The following SORCS2 variants were observed in gnomAD, a reference collection of about 807,000 sequenced individuals.
SORCS2 encodes VPS10 domain-containing receptor SorCS2.
SORCS2 carries 100 observed loss-of-function variants against 141.6 expected under a neutral mutation model. The observed-to-expected ratio is 0.71, with a 90% CI of 0.60 to 0.83. The LOEUF (loss-of-function observed/expected upper bound fraction) is 0.83, where lower values mean the gene tolerates loss of function less well. SORCS2 is among the 40% of genes least tolerant of loss of function. The pLI is 0.00. For missense variants in SORCS2, 1,646 were observed against 1,560.2 expected (o/e 1.05, Z -0.93); for synonymous variants, 789 against 676.9 (o/e 1.17, Z -2.57).
chr4:7,659,686 C>A (rs914338742), intron 5 of SORCS2, among the ~76,000 whole-genome samples: 2 of 152,156 alleles, frequency 1.3e-5, no homozygotes, highest in Non-Finnish European at 2.9e-5. Context: ...AGAGGGCAAG[C>A]GAGGCTTTCC....
At chr4:7,274,320 T>TGTATTA (rs1192258047) in intron 1 of SORCS2, among the ~76,000 whole-genome samples, 4 of 151,836 alleles carry the variant, frequency 2.6e-5, no homozygotes, top group Non-Finnish European at 4.4e-5. Context: ...GTGAGGGAGG[T>TGTATTA]GTATTAGTCC....
chr4:7,470,894 G>A (rs970731885), intron 2 of SORCS2, among the ~76,000 whole-genome samples: 7 of 152,194 alleles, frequency 4.6e-5, no homozygotes, highest in African/African-American at 1.7e-4. Context: ...AACATCTCAC[G>A]CTTGCAGGGA....
Position 7,193,490 on chromosome 4 carries a change from C to CT in SORCS2, c.480+365dup, listed in dbSNP as rs989712839. Among the ~76,000 whole-genome samples, 6 of 152,096 alleles carry CT rather than the reference C, an allele frequency of 3.9e-5. No homozygotes were observed. Among genetic ancestry groups the CT allele is most frequent in the Admixed American group, 2.6e-4 (4 of 15,292 alleles). The stretch of plus-strand genomic sequence containing the variant: ...GTACCCCAGCTCGGCGTTACCTCCC[C>CT]TGCCCCCAGACTCCACCAGCTGAGC... On this transcript the variant is annotated intron_variant, in intron 1 of 26. Transcript: ENST00000507866. This position sits in a 1 kb window ranked among gnomAD's most constrained non-coding sequence, Gnocchi z 4.8.
intron 5 of SORCS2, among the ~76,000 whole-genome samples, chr4:7,658,249 G>A (rs1721932903): frequency 1.3e-5 from 2 of 151,082 alleles, no homozygotes; most frequent in Admixed American, 6.6e-5. Flanking sequence ...CTGAGAGAAT[G>A]AGTGAGTGAG....
At chr4:7,520,556 G>A (rs562302170) in intron 2 of SORCS2, among the ~76,000 whole-genome samples, 1 of 152,296 alleles carries the variant, frequency 6.6e-6, no homozygotes, top group East Asian at 1.9e-4. Flanking sequence ...AGTGGGCTCA[G>A]AATACCAGCA....
intron 3 of SORCS2, among the ~76,000 whole-genome samples, chr4:7,591,764 C>T (rs1716929276): frequency 6.6e-6 from 1 of 152,212 alleles, no homozygotes; most frequent in Non-Finnish European, 1.5e-5. Context: ...AGTGATGAAT[C>T]CCGGCAGAGG....
chr4:7,489,371 T>C (rs1165112891), intron 2 of SORCS2, among the ~76,000 whole-genome samples: 2 of 152,334 alleles, frequency 1.3e-5, no homozygotes, highest in East Asian at 3.9e-4. Context: ...TTGAATTGAT[T>C]TGCCGCTCCC....
chr4:7,250,356 A>T (rs1340757290), intron 1 of SORCS2, among the ~76,000 whole-genome samples: 2 of 152,228 alleles, frequency 1.3e-5, no homozygotes, highest in African/African-American at 4.8e-5. Flanking sequence ...AGGCTGCTCT[A>T]TGCGTCATTT....
chr4:7,444,812 AT>A (rs1277395825), intron 2 of SORCS2, among the ~76,000 whole-genome samples: 2 of 152,232 alleles, frequency 1.3e-5, no homozygotes, highest in East Asian at 3.9e-4. Flanking sequence ...CAGGCTGCAG[AT>A]TCAGCATCTG....
At position 7,201,606 on chromosome 4, in the gene SORCS2, G is replaced by A. The variant is rs759130174; in HGVS notation, c.480+8480G>A. Among the ~76,000 whole-genome samples the A allele has an allele frequency of 1.1e-4, 17 of 152,222 alleles. No individual in the cohort carries two copies. The highest frequency in any genetic ancestry group is 5.2e-4 in the Admixed American group (8 of 15,282). ...CGGGCGAATCAGCTGGGACGCTGCC[G>A]AGAACCCCTGTGCCTTTTCCGGTGC... On this transcript the variant is annotated intron_variant, in intron 1 of 26. Transcript: ENST00000507866. This position sits in a 1 kb window ranked among gnomAD's most constrained non-coding sequence, Gnocchi z 4.4.
At chr4:7,588,603 G>C (rs1166594192) in intron 3 of SORCS2, among the ~76,000 whole-genome samples, 1 of 152,176 alleles carries the variant, frequency 6.6e-6, no homozygotes, top group Non-Finnish European at 1.5e-5. Context: ...AATCACGTGG[G>C]CTGGCCTTAC....
At chr4:7,595,153 G>A (rs185363133) in intron 3 of SORCS2, among the ~76,000 whole-genome samples, 4 of 152,216 alleles carry the variant, frequency 2.6e-5, no homozygotes, top group East Asian at 1.9e-4. Flanking sequence ...GTAGTAATTC[G>A]CCACACAGAA....
chr4:7,466,645 A>G (rs4616749), intron 2 of SORCS2, among the ~76,000 whole-genome samples: 126,213 of 152,160 alleles, frequency 0.83, 52,485 homozygotes, highest in Non-Finnish European at 0.86. Context: ...TGGCCCAGGC[A>G]GTAGCTGGTG....
At chr4:7,291,388 C>T (rs2108878307) in intron 1 of SORCS2, among the ~76,000 whole-genome samples, 1 of 152,252 alleles carries the variant, frequency 6.6e-6, no homozygotes, top group East Asian at 1.9e-4. Flanking sequence ...CCTCTGCCAC[C>T]CACATCAGTG....
intron 1 of SORCS2, among the ~76,000 whole-genome samples, chr4:7,359,884 C>A (rs562617906): frequency 6.6e-6 from 1 of 152,128 alleles, no homozygotes; most frequent in African/African-American, 2.4e-5. Context: ...GGCCCAGGGA[C>A]AAGTGAGGAG....
At chr4:7,666,133 GA>G (rs575367454) in intron 7 of SORCS2, among the ~76,000 whole-genome samples, 114 of 152,194 alleles carry the variant, frequency 7.5e-4, no homozygotes, top group Non-Finnish European at 1.3e-3. Context: ...GGAGGCAGGA[GA>G]CTCAGGGGGA....
chr4:7,436,471 C>A (rs935059051), intron 2 of SORCS2, among the ~76,000 whole-genome samples: 1 of 152,204 alleles, frequency 6.6e-6, no homozygotes, highest in African/African-American at 2.4e-5. Context: ...TCTTGAGACC[C>A]CACCCCCACG....
At chr4:7,493,896 C>A (rs903450259) in intron 2 of SORCS2, among the ~76,000 whole-genome samples, 1 of 152,208 alleles carries the variant, frequency 6.6e-6, no homozygotes, top group Non-Finnish European at 1.5e-5. Context: ...TCGAAATAAA[C>A]CAGGAAGTAA....
At chr4:7,380,943 G>A (rs1464722100) in intron 1 of SORCS2, among the ~76,000 whole-genome samples, 10 of 152,248 alleles carry the variant, frequency 6.6e-5, no homozygotes, top group South Asian at 2.1e-4. Context: ...TTAGCTGGGT[G>A]TGGTGGCAGG....
Sources: gnomAD v4.1 joint callset for allele counts (sites outside exome capture counted in the v4.1 genomes callset) on GRCh38, gnomAD v4.1.1 for gene constraint, Gnocchi (gnomAD v3.1) non-coding constraint, MANE v1.5 for transcripts, NCBI Gene and HGNC (gene_info 2026-07-23, HGNC 2026-07-21) for gene names.